Variants in MYO5A observed in about 807,000 individuals in gnomAD.
MYO5A encodes unconventional myosin-Va.
In MYO5A, 98 loss-of-function variants were observed where a neutral mutation model predicts 249.7. That is an observed-to-expected ratio of 0.39 (90% CI 0.33 to 0.46). The LOEUF (loss-of-function observed/expected upper bound fraction) is 0.46, where lower values mean the gene tolerates loss of function less well. Among genes scored for constraint, MYO5A ranks in the 20% least tolerant of loss-of-function variants. The pLI, the probability that MYO5A is intolerant of heterozygous loss-of-function variation, is 0.98. For synonymous variants in MYO5A, 778 were observed against 810.6 expected (o/e 0.96, Z 0.68); for missense variants, 1,696 against 2,308.8 (o/e 0.73, Z 5.44).
At chr15:52,452,512 T>C (rs1040393989) in intron 1 of MYO5A, among the ~76,000 whole-genome samples, 2 of 152,258 alleles carry the variant, frequency 1.3e-5, no homozygotes, top group Non-Finnish European at 2.9e-5. Flanking sequence ...ACCATCATCC[T>C]GGGCCCTGGA....
At chr15:52,492,660 C>T (rs1398877417) in intron 1 of MYO5A, among the ~76,000 whole-genome samples, 2 of 152,208 alleles carry the variant, frequency 1.3e-5, no homozygotes, top group South Asian at 2.1e-4. Flanking sequence ...GTAAACAGGC[C>T]TTCCAAAGGA....
intron 31 of MYO5A, among the ~76,000 whole-genome samples, chr15:52,341,947 C>T (rs1430211555): frequency 6.6e-6 from 1 of 152,156 alleles, no homozygotes; most frequent in Non-Finnish European, 1.5e-5. Flanking sequence ...TTATTCTGAG[C>T]TATAGCAATG....
In MYO5A at chr15:52,511,070, G is replaced by C. The variant is rs138100218; in HGVS notation, c.27+17710C>G. Among the ~76,000 whole-genome samples the C allele has an allele frequency of 4.4e-4, 67 of 152,294 alleles. 1 individual carries two copies. In the East Asian group the frequency reaches 7.0e-3, roughly 16 times the overall value. On this transcript the variant is annotated intron_variant, in intron 1 of 41. Coordinates refer to ENST00000399233, the MANE Select transcript of MYO5A (RefSeq NM_001382347.1). ...GACTCCCACAGGCAGTGACTGAGGAGGCAACTTCTGCATGGTCCACAGACT... is the reference window on the plus strand; with the variant it reads ...GACTCCCACAGGCAGTGACTGAGGACGCAACTTCTGCATGGTCCACAGACT...
rs746985327 is a variant in MYO5A at position 52,330,366 on chromosome 15, C to T, written c.4542G>A (p.Lys1514=). The T allele has an allele frequency of 3.1e-5, 50 of 1,613,966 alleles. No individual in the cohort carries two copies. The highest frequency in any genetic ancestry group is 4.0e-5 in the Non-Finnish European group (47 of 1,179,976). Residue 1514 remains lysine (K), a synonymous_variant, in exon 35 of 42, where the codon AAG becomes AAA. Coordinates refer to ENST00000399233, the MANE Select transcript of MYO5A (RefSeq NM_001382347.1). ...YKKEDEQKLV[K]NLILELKPRG... is the part of the protein sequence containing the mutation. ...GAAAATACTTGCCCAGAATCAGGTT[C>T]TTAACAAGTTTTTGCTCATCCTCCT...
chr15:52,407,286 C>T lies in MYO5A; in HGVS notation c.946+6G>A, dbSNP rs754315578. On this transcript the variant is annotated splice_donor_region_variant and intron_variant, in intron 8 of 41. Transcript: ENST00000399233. Reference sequence around the variant, plus strand: ...TCTTAAGAGCTCAAGAATAAAGTGACATTACCTAGCAAAGTGCAGGCCTGC... The same window carrying T: ...TCTTAAGAGCTCAAGAATAAAGTGATATTACCTAGCAAAGTGCAGGCCTGC... The T allele has an allele frequency of 2.5e-6, 4 of 1,601,264 alleles. No individual in the cohort carries two copies. Among genetic ancestry groups the T allele is most frequent in the Non-Finnish European group, 3.4e-6 (4 of 1,168,268 alleles).
rs1179305814 is a variant in MYO5A at position 52,469,402 on chromosome 15, G to T, written c.28-36117C>A. ...CTTATTAAGAAAATCAAAAGGAAAA[G>T]AATATATTTACTATTTAGTAAGTGG... On this transcript the variant is annotated intron_variant, in intron 1 of 41. Transcript: ENST00000399233. Among the ~76,000 whole-genome samples, 3 of 152,234 alleles carry T rather than the reference G, an allele frequency of 2.0e-5. No homozygotes were observed. The East Asian group carries it at 5.8e-4, about 29-fold the overall frequency.
intron 1 of MYO5A, among the ~76,000 whole-genome samples, chr15:52,474,505 G>C (rs1197762641): frequency 4.6e-5 from 7 of 152,256 alleles, no homozygotes; most frequent in African/African-American, 1.2e-4. Flanking sequence ...TGCCCATTCA[G>C]TATGATATTG....
intron 39 of MYO5A, 59 bp from the exon 40 acceptor site, chr15:52,317,281 T>C: frequency 6.4e-7 from 1 of 1,555,168 alleles, no homozygotes; most frequent in Non-Finnish European, 8.8e-7. Flanking sequence ...AAAAATGTCT[T>C]AATTTTTTTG....
intron 1 of MYO5A, among the ~76,000 whole-genome samples, chr15:52,451,992 A>T (rs954766920): frequency 6.6e-6 from 1 of 152,230 alleles, no homozygotes; most frequent in Admixed American, 6.5e-5. Context: ...ATAAATGTAT[A>T]TTTCATTAAA....
rs764951543 is a variant in MYO5A at position 52,405,442 on chromosome 15, T to A, written c.947-49A>T. On this transcript the variant is annotated intron_variant, in intron 8 of 41. Coordinates refer to ENST00000399233, the MANE Select transcript of MYO5A (RefSeq NM_001382347.1). ...AAGTGATTAATTTCAGAATAGAAAC[T>A]AAACAATTACAGCAGACAATTTTAA... 3.1e-5 allele frequency: 42 copies of A among 1,372,008 alleles called. No individual in the cohort carries two copies. In the East Asian group the frequency reaches 9.7e-4, roughly 32 times the overall value. The allele number at this position is 1,372,008 out of a possible 1,614,324, so 85.0% of individuals were successfully genotyped here. A position where few individuals can be genotyped will look rare whatever the true frequency, so the allele number is the denominator to read the frequency against.
chr15:52,513,218 G>A (rs763135451), intron 1 of MYO5A, among the ~76,000 whole-genome samples: 10 of 151,732 alleles, frequency 6.6e-5, no homozygotes, highest in Non-Finnish European at 1.2e-4. Flanking sequence ...ATCACCTGAG[G>A]TCAGGGGTTC....
chr15:52,398,130 C>T (rs969603511), intron 9 of MYO5A, among the ~76,000 whole-genome samples: 1 of 152,126 alleles, frequency 6.6e-6, no homozygotes, highest in African/African-American at 2.4e-5. Context: ...GTTGAAATCA[C>T]AGAAACAGAC....
intron 31 of MYO5A, among the ~76,000 whole-genome samples, chr15:52,341,762 A>G (rs2039394595): frequency 6.6e-6 from 1 of 152,190 alleles, no homozygotes. Flanking sequence ...AATAAGCAGA[A>G]GCCCCTTGAA....
chr15:52,370,811 C>G (rs2041066643), intron 21 of MYO5A, among the ~76,000 whole-genome samples: 1 of 152,130 alleles, frequency 6.6e-6, no homozygotes, highest in Non-Finnish European at 1.5e-5. Context: ...ATGATTAAAA[C>G]AGCCTCAAAA....
chr15:52,317,079 C>G lies in MYO5A; in HGVS notation c.5378G>C (p.Cys1793Ser), dbSNP rs2038060807. 6.2e-7 allele frequency: 1 copy of G among 1,613,976 alleles called. No homozygotes were observed. The highest frequency in any genetic ancestry group is 1.3e-5 in the African/African-American group (1 of 74,918). Residue 1793 changes from cysteine (C) to serine (S), a missense_variant, in exon 40 of 42, where the codon TGT becomes TCT. By Grantham distance (112) the Cys-to-Ser change is moderately radical (BLOSUM62 -1). This residue lies in a region of MYO5A where 625 missense variants were observed against 908.1 expected (regional missense o/e 0.69). Transcript: ENST00000399233. ...KKTDDDAEAI[C>S]SMCNALTTAQ... is the part of the protein sequence containing the mutation. Reference sequence around the variant, plus strand: ...AGTAGTTAAAGCATTGCACATAGAACAAATGGCTTCTGCATCATCATCTGT... The same window carrying G: ...AGTAGTTAAAGCATTGCACATAGAAGAAATGGCTTCTGCATCATCATCTGT...
At chr15:52,356,116 T>C (rs2040205891) in intron 25 of MYO5A, among the ~76,000 whole-genome samples, 2 of 152,170 alleles carry the variant, frequency 1.3e-5, no homozygotes, top group African/African-American at 2.4e-5. Context: ...AGAATTAATG[T>C]GGAAGATAAA....
intron 12 of MYO5A, among the ~76,000 whole-genome samples, chr15:52,390,112 GA>G (rs2042152747): frequency 6.6e-6 from 1 of 152,162 alleles, no homozygotes; most frequent in Non-Finnish European, 1.5e-5. Context: ...TGAAGATAAA[GA>G]ATAGAAAGAT....
intron 1 of MYO5A, among the ~76,000 whole-genome samples, chr15:52,513,431 T>TA (rs200250201): frequency 0.14 from 17,212 of 118,960 alleles, 1,352 homozygotes; most frequent in Middle Eastern, 0.19. Context: ...AACTCCATCT[T>TA]AAAAAAAAAA....
chr15:52,364,409 T>G (rs896832046), intron 24 of MYO5A, 145 bp downstream of exon 24: 4 of 693,774 alleles, frequency 5.8e-6, no homozygotes, highest in Non-Finnish European at 9.5e-6. Context: ...GTTGGGGAGA[T>G]GGAATGGGAG....
Sources: allele counts gnomAD v4.1 joint callset (sites outside exome capture counted in the v4.1 genomes callset), GRCh38; gene constraint gnomAD v4.1.1; regional missense constraint gnomAD v4.1.1; transcripts MANE v1.5; gene names NCBI Gene and HGNC (gene_info 2026-07-23, HGNC 2026-07-21).